Variants in DUT observed in about 807,000 individuals in gnomAD.
DUT encodes the protein deoxyuridine 5'-triphosphate nucleotidohydrolase, mitochondrial.
In DUT, 21 loss-of-function variants were observed where a neutral mutation model predicts 28.8. The ratio of observed to expected loss-of-function variants is 0.73; its 90% CI spans 0.52 to 1.05. DUT has a LOEUF of 1.05. Ranked by LOEUF, DUT falls within the 50% of genes least tolerant of loss-of-function variation. The pLI, the probability that DUT is intolerant of heterozygous loss-of-function variation, is 0.00. For synonymous variants in DUT, 147 were observed against 143.7 expected, an observed-to-expected ratio of 1.02 and a Z score of -0.17; for missense variants, 344 against 351.8, an observed-to-expected ratio of 0.98 and a Z score of 0.18.
rs950639228 is a variant in DUT at position 48,331,434 on chromosome 15, C to T, written c.-82C>T. ...GCGACTGCTTCCGAGGTCATGTTCC[C>T]AGGACGGGCGCGTCTTCAGGGTGGA... On this transcript the variant is annotated 5_prime_UTR_variant, in exon 1 of 7. Coordinates refer to ENST00000331200, the MANE Select transcript of DUT (RefSeq NM_001025248.2). 1 of 1,573,966 alleles carries T rather than the reference C, an allele frequency of 6.4e-7. No homozygotes were observed. Among genetic ancestry groups the T allele is most frequent in the African/African-American group, 1.4e-5 (1 of 73,612 alleles).
intron 3 of DUT, 75 bp from the exon 4 acceptor site, chr15:48,335,971 C>A: frequency 8.6e-7 from 1 of 1,161,406 alleles, no homozygotes; most frequent in Non-Finnish European, 1.3e-6. Flanking sequence ...GAATGACATG[C>A]TTAAATTGCA....
upstream of DUT, chr15:48,331,389 C>A (rs921324858): frequency 1.3e-6 from 2 of 1,493,202 alleles, no homozygotes; most frequent in Non-Finnish European, 1.8e-6. Context: ...CCTCTCCACG[C>A]CCCTCGTCCG....
At position 48,331,726 on chromosome 15, in the gene DUT, A is replaced by C. The variant is rs1258134033; in HGVS notation, c.211A>C (p.Ser71Arg). The C allele has an allele frequency of 2.0e-6, 3 of 1,475,550 alleles. No individual in the cohort carries two copies. The highest frequency in any genetic ancestry group is 2.7e-6 in the Non-Finnish European group (3 of 1,113,822). 91.4% of individuals were successfully genotyped at this position (1,475,550 alleles called of 1,614,324 possible). A position where few individuals can be genotyped will look rare whatever the true frequency, so the allele number is the denominator to read the frequency against. Residue 71 changes from serine to arginine, a missense_variant, in exon 1 of 7, where the codon AGT (serine) becomes CGT (arginine). By Grantham distance (110) the Ser-to-Arg change is moderately radical. Transcript: ENST00000331200. ...CCTGAGCCAAGGCTGCCGCGGAGCC[A>C]GTACAGTCGGGGCCGCTGGCTGGAA... ...GRLSQGCRGA[S>R]TVGAAGWKGE...
chr15:48,332,883 T>C, intron 2 of DUT: 1 of 422,740 alleles, frequency 2.4e-6, no homozygotes. Context: ...CTGCCTGTAA[T>C]CTACCACACT....
chr15:48,340,031 T>G (rs1430103313), intron 4 of DUT: 1 of 151,992 alleles, frequency 6.6e-6, no homozygotes, highest in Non-Finnish European at 1.5e-5. Context: ...TGCTTTGGGG[T>G]TTTTTTGTCT....
At chr15:48,339,424 A>G (rs1313764479) in intron 4 of DUT, among the ~76,000 whole-genome samples, 2 of 152,112 alleles carry the variant, frequency 1.3e-5, no homozygotes, top group Non-Finnish European at 2.9e-5. Flanking sequence ...TTGTACCTCA[A>G]AATCTCCCAG....
intron 4 of DUT, among the ~76,000 whole-genome samples, chr15:48,337,033 C>G (rs995937761): frequency 6.6e-6 from 1 of 152,240 alleles, no homozygotes; most frequent in Non-Finnish European, 1.5e-5. Context: ...CAAGGGCTAA[C>G]TAAGCACTTA....
chr15:48,337,639 T>C (rs2042489440), intron 4 of DUT, among the ~76,000 whole-genome samples: 1 of 152,210 alleles, frequency 6.6e-6, no homozygotes, highest in Non-Finnish European at 1.5e-5. Flanking sequence ...GTTACTAATT[T>C]TTGCTCTGTT....
At chr15:48,335,740 C>T (rs1278075356) in intron 3 of DUT, among the ~76,000 whole-genome samples, 2 of 152,206 alleles carry the variant, frequency 1.3e-5, no homozygotes, top group East Asian at 3.8e-4. Flanking sequence ...GCTTGCTCAC[C>T]TTTCAGCTCA....
intron 2 of DUT, among the ~76,000 whole-genome samples, chr15:48,333,466 A>C (rs2042441399): frequency 6.6e-6 from 1 of 152,178 alleles, no homozygotes; most frequent in African/African-American, 2.4e-5. Flanking sequence ...AACACAGGTG[A>C]CTTTCTGTAT....
rs1013807427 is a variant in DUT at position 48,340,071 on chromosome 15, A to T, written c.557-1218A>T. On this transcript the variant is annotated intron_variant, in intron 4 of 6. Coordinates refer to ENST00000331200, the MANE Select transcript of DUT (RefSeq NM_001025248.2). ...TCTCAGCTTTCAAATAATGAGGAGT[A>T]TGGGCAAATAGCATTACTGCCCATT... The T allele has an allele frequency of 2.6e-5, 4 of 152,088 alleles. No homozygotes were observed. The East Asian group carries it at 7.7e-4, about 29-fold the overall frequency. 9.4% of individuals were successfully genotyped at this position (152,088 alleles called of 1,614,324 possible).
At chr15:48,334,365 A>C (rs185362945) in intron 2 of DUT, 52 bp from the exon 3 acceptor site, 2 of 1,292,018 alleles carry the variant, frequency 1.5e-6, no homozygotes, top group East Asian at 4.9e-5. Flanking sequence ...AGAAAATATA[A>C]AAACAATTTT....
rs2042531049 is a variant in DUT at position 48,341,288 on chromosome 15, G to T, written c.557-1G>T. On this transcript the variant is annotated splice_acceptor_variant, in intron 4 of 6. Coordinates refer to ENST00000331200, the MANE Select transcript of DUT (RefSeq NM_001025248.2). LOFTEE classifies it high-confidence loss of function. ...GATAATATTACTTTTCTTTTCTCTA[G>T]CTGGTGTCATAGATGAAGATTATAG... is the stretch of plus-strand genomic sequence containing the variant. 1 of 1,587,104 alleles carries T rather than the reference G, an allele frequency of 6.3e-7. No individual in the cohort carries two copies. The highest frequency in any genetic ancestry group is 1.8e-5 in the Admixed American group (1 of 54,604).
chr15:48,341,977 G>T, intron 6 of DUT, 45 bp from the exon 7 acceptor site: 1 of 1,453,608 alleles, frequency 6.9e-7, no homozygotes, highest in South Asian at 1.3e-5. Flanking sequence ...ACTGAAAGAG[G>T]CTCTTAAAAA....
chr15:48,332,297 G>T lies in DUT; in HGVS notation c.310G>T (p.Ala104Ser). Residue 104 changes from alanine (A) to serine (S), a missense_variant, in exon 2 of 7, where the codon GCC becomes TCC. Physicochemically the swap from Ala to Ser is moderately conservative, Grantham distance 99. Coordinates refer to ENST00000331200, the MANE Select transcript of DUT (RefSeq NM_001025248.2). ...ACCCGCCATTTCACCCAGTAAGCGG[G>T]CCCGGCCTGCGGAGGTGGGCGGCAT... The part of the protein sequence containing the change: ...ETPAISPSKR[A>S]RPAEVGGMQL... The T allele has an allele frequency of 6.2e-7, 1 of 1,609,028 alleles. No individual in the cohort carries two copies. Among genetic ancestry groups the T allele is most frequent in the Non-Finnish European group, 8.5e-7 (1 of 1,178,490 alleles).
intron 3 of DUT, among the ~76,000 whole-genome samples, chr15:48,335,456 C>A (rs371073054): frequency 6.6e-6 from 1 of 152,068 alleles, no homozygotes; most frequent in Non-Finnish European, 1.5e-5. Flanking sequence ...ATTTATCTTA[C>A]TCTGGTTCAT....
intron 6 of DUT, 64 bp downstream of exon 6, chr15:48,341,649 A>G: frequency 7.5e-7 from 1 of 1,329,606 alleles, no homozygotes; most frequent in East Asian, 2.5e-5. Flanking sequence ...AAATATATAT[A>G]ATCTTGAGAA....
At chr15:48,340,992 T>C (rs1346906154) in intron 4 of DUT, 1 of 242,484 alleles carries the variant, frequency 4.1e-6, no homozygotes, top group Non-Finnish European at 7.9e-6. Context: ...AAGTGTGCCG[T>C]GGGTAGACAG....
intron 4 of DUT, among the ~76,000 whole-genome samples, chr15:48,340,893 A>G (rs1245826890): frequency 6.6e-6 from 1 of 152,164 alleles, no homozygotes; most frequent in African/African-American, 2.4e-5. Context: ...TTATGACTCA[A>G]TCGTATTTCA....
Sources: allele counts gnomAD v4.1 joint callset (sites outside exome capture counted in the v4.1 genomes callset), GRCh38; gene constraint gnomAD v4.1.1; transcripts MANE v1.5; gene names NCBI Gene and HGNC (gene_info 2026-07-23, HGNC 2026-07-21).